Variants in MGAT4C observed in about 807,000 individuals in gnomAD.
MGAT4C encodes alpha-1,3-mannosyl-glycoprotein 4-beta-N-acetylglucosaminyltransferase C.
Under a neutral mutation model 40.1 loss-of-function variants are expected in MGAT4C, and 19 were observed. The ratio of observed to expected loss-of-function variants is 0.47; its 90% confidence interval spans 0.33 to 0.70. MGAT4C has a LOEUF of 0.70. Ranked by LOEUF, MGAT4C falls within the 30% of genes least tolerant of loss-of-function variation. MGAT4C has a pLI of 0.02. For missense variants in MGAT4C, 491 were observed against 563.2 expected (o/e 0.87, Z 1.30); for synonymous variants, 181 against 187.1 (o/e 0.97, Z 0.27).
chr12:86,253,390 A>G (rs2136081434), intron 1 of MGAT4C, among the ~76,000 whole-genome samples: 1 of 151,950 alleles, frequency 6.6e-6, no homozygotes, highest in East Asian at 1.9e-4. Flanking sequence ...GATTTGGGGC[A>G]CTGAAATTTG....
chr12:86,764,668 C>A lies in MGAT4C; in HGVS notation c.-261-37427G>T, dbSNP rs531794264. Among the ~76,000 whole-genome samples the A allele has an allele frequency of 3.9e-3, 594 of 151,888 alleles. 3 individuals are homozygous for A. The highest frequency in any genetic ancestry group is 8.9e-3 in the Admixed American group (135 of 15,240). On this transcript the variant is annotated intron_variant, in intron 1 of 7. Coordinates refer to the MGAT4C transcript ENST00000548651. ...GGCCGGGTACTCCTCTGAGACAAAA[C>A]TTCCAGAGGAACAATCAGACAGCAG...
intron 2 of MGAT4C, among the ~76,000 whole-genome samples, chr12:86,567,952 C>G (rs1037227634): frequency 6.6e-6 from 1 of 152,012 alleles, no homozygotes; most frequent in Admixed American, 6.6e-5. Flanking sequence ...TGCTTCTGGT[C>G]GACAAAGGAT....
chr12:86,350,732 C>T (rs925148510), intron 3 of MGAT4C, among the ~76,000 whole-genome samples: 2 of 152,082 alleles, frequency 1.3e-5, no homozygotes, highest in Non-Finnish European at 2.9e-5. Flanking sequence ...TTTCAAAAAT[C>T]TCTTCAAATA....
intron 2 of MGAT4C, among the ~76,000 whole-genome samples, chr12:85,991,150 A>C (rs1224167270): frequency 6.6e-6 from 1 of 152,134 alleles, no homozygotes; most frequent in Non-Finnish European, 1.5e-5. Flanking sequence ...TCAACCTGTC[A>C]AGTGTTCAGC....
At chr12:86,315,352 C>CA (rs1350301514) in intron 4 of MGAT4C, among the ~76,000 whole-genome samples, 5 of 152,070 alleles carry the variant, frequency 3.3e-5, no homozygotes, top group African/African-American at 9.7e-5. Context: ...TCTCCACATA[C>CA]AAAAAATAAC....
chr12:86,418,792 A>C (rs938759658), intron 3 of MGAT4C, among the ~76,000 whole-genome samples: 3 of 152,064 alleles, frequency 2.0e-5, no homozygotes, highest in Admixed American at 6.6e-5. Context: ...TGTGTGTAGA[A>C]GGAAGAAAGA....
intron 2 of MGAT4C, among the ~76,000 whole-genome samples, chr12:86,678,673 T>C (rs1949914223): frequency 2.0e-5 from 3 of 148,620 alleles, no homozygotes; most frequent in Non-Finnish European, 4.4e-5. Flanking sequence ...AGTGAGAATA[T>C]GTGGTGTTTG....
intron 1 of MGAT4C, among the ~76,000 whole-genome samples, chr12:86,050,692 G>A (rs1892817065): frequency 6.6e-6 from 1 of 151,954 alleles, no homozygotes; most frequent in Non-Finnish European, 1.5e-5. Flanking sequence ...ATGTGCCGTG[G>A]TCAGCTTCTG....
intron 4 of MGAT4C, among the ~76,000 whole-genome samples, chr12:86,266,390 A>G (rs1432376997): frequency 1.3e-5 from 2 of 152,202 alleles, no homozygotes; most frequent in Admixed American, 6.5e-5. Context: ...ATCTATTGAG[A>G]TGATCATAGG....
intron 2 of MGAT4C, among the ~76,000 whole-genome samples, chr12:86,666,113 G>C (rs1475620365): frequency 6.6e-6 from 1 of 152,106 alleles, no homozygotes; most frequent in African/African-American, 2.4e-5. Context: ...ATGCAATTTT[G>C]ATTAAAGCAC....
chr12:85,970,087 G>C lies in MGAT4C; in HGVS notation c.*9202C>G, dbSNP rs1247922319. ...GACCTAGATAATTTAGTCTCACTCT[G>C]TGGCCTTTACCCTTCAATAAATATG... On this transcript the variant is annotated 3_prime_UTR_variant, in exon 5 of 5. Coordinates refer to ENST00000611864, the MANE Select transcript of MGAT4C (RefSeq NM_001351288.2). 1 of 151,128 alleles carries C rather than the reference G, an allele frequency of 6.6e-6. No homozygotes were observed. Among genetic ancestry groups the C allele is most frequent in the Non-Finnish European group, 1.5e-5 (1 of 67,370 alleles). The allele number at this position is 151,128 out of a possible 1,614,324, so 9.4% of individuals were successfully genotyped here. A position where few individuals can be genotyped will look rare whatever the true frequency, so the allele number is the denominator to read the frequency against.
intron 4 of MGAT4C, among the ~76,000 whole-genome samples, chr12:86,287,640 A>G (rs1403319439): frequency 1.3e-5 from 2 of 152,118 alleles, no homozygotes; most frequent in African/African-American, 4.8e-5. Context: ...GTCTGCTGAA[A>G]ATGATGGATT....
At chr12:86,343,527 C>T (rs1405933967) in intron 3 of MGAT4C, among the ~76,000 whole-genome samples, 1 of 151,982 alleles carries the variant, frequency 6.6e-6, no homozygotes, top group Non-Finnish European at 1.5e-5. Context: ...TTCCTTTAAG[C>T]CTATTGCCCA....
At chr12:86,059,384 A>G (rs1893718584) in intron 1 of MGAT4C, among the ~76,000 whole-genome samples, 1 of 152,044 alleles carries the variant, frequency 6.6e-6, no homozygotes, top group South Asian at 2.1e-4. Context: ...TTTCTTCATC[A>G]TTTATTCATC....
intron 2 of MGAT4C, among the ~76,000 whole-genome samples, chr12:86,711,003 G>T (rs1950546431): frequency 6.6e-6 from 1 of 151,996 alleles, no homozygotes; most frequent in African/African-American, 2.4e-5. Flanking sequence ...AAATGCATAA[G>T]AATGATATAA....
At chr12:86,069,035 C>T (rs1055514818) in intron 1 of MGAT4C, among the ~76,000 whole-genome samples, 1 of 152,102 alleles carries the variant, frequency 6.6e-6, no homozygotes, top group African/African-American at 2.4e-5. Context: ...ACTGGTTTGT[C>T]CTCATTTCTG....
At chr12:86,398,802 T>C (rs962281310) in intron 3 of MGAT4C, among the ~76,000 whole-genome samples, 1 of 151,946 alleles carries the variant, frequency 6.6e-6, no homozygotes, top group Non-Finnish European at 1.5e-5. Context: ...CTCACCTACT[T>C]TGTTTGATTG....
intron 1 of MGAT4C, among the ~76,000 whole-genome samples, chr12:86,168,192 TA>T (rs1246905935): frequency 2.0e-5 from 3 of 152,176 alleles, no homozygotes; most frequent in African/African-American, 7.2e-5. Flanking sequence ...CAAATCTGTA[TA>T]AATTGTCTCT....
intron 2 of MGAT4C, among the ~76,000 whole-genome samples, chr12:86,705,666 C>A (rs1462162668): frequency 6.6e-6 from 1 of 151,972 alleles, no homozygotes. Context: ...GAAATATAAA[C>A]AAATTTGGGA....
Sources: gnomAD v4.1 joint callset for allele counts (sites outside exome capture counted in the v4.1 genomes callset) on GRCh38, gnomAD v4.1.1 for gene constraint, MANE v1.5 for transcripts, NCBI Gene and HGNC (gene_info 2026-07-23, HGNC 2026-07-21) for gene names.